ACTA1: variants seen among roughly 807,000 people sequenced by gnomAD.
ACTA1 encodes the protein actin alpha 1, skeletal muscle, also known as actin, alpha skeletal muscle.
ACTA1 carries 25 observed loss-of-function variants against 35.8 expected under a neutral mutation model. The observed-to-expected ratio is 0.70, with a 90% CI of 0.51 to 0.97. ACTA1 has a LOEUF of 0.97. Among genes scored for constraint, ACTA1 ranks in the 50% least tolerant of loss-of-function variants. ACTA1 has a pLI of 0.00. For missense variants in ACTA1, 174 were observed against 533.0 expected, an observed-to-expected ratio of 0.33 and a Z score of 6.63; for synonymous variants, 219 against 217.1, an observed-to-expected ratio of 1.01 and a Z score of -0.08.
In ACTA1 at chr1:229,431,679, T is replaced by C. The variant is rs1194090372; in HGVS notation, c.991-37A>G. 6.2e-7 allele frequency: 1 copy of C among 1,613,948 alleles called. No individual in the cohort carries two copies. The highest frequency in any genetic ancestry group is 1.1e-5 in the South Asian group (1 of 91,070). On this transcript the variant is annotated intron_variant, in intron 6 of 6. Coordinates refer to ENST00000366684, the MANE Select transcript of ACTA1 (RefSeq NM_001100.4). The surrounding 1 kb of genome is among the most constrained non-coding windows in gnomAD (Gnocchi z 7.1). ...CGCGTGAGGTGGGGAGACCTCACCC[T>C]GGAGCCCACCCCGCCGACAGCCCGC...
At position 229,432,996 on chromosome 1, in the gene ACTA1, G is replaced by A; in HGVS notation, c.120C>T (p.Pro40=). Residue 40 remains proline, a synonymous_variant, in exon 2 of 7, where the codon CCC becomes CCT. Transcript: ENST00000366684. ...GGAGGGGCAGCCTGACCTGGTGTCG[G>A]GGGCGGCCCACGATGGACGGGAACA... ...RAVFPSIVGR[P]RHQGVMVGMG... is the part of the protein sequence containing the mutation. 1 of 1,613,652 alleles carries A rather than the reference G, an allele frequency of 6.2e-7. No individual in the cohort carries two copies. The highest frequency in any genetic ancestry group is 8.5e-7 in the Non-Finnish European group (1 of 1,179,764).
At chr1:229,433,602 C>T (rs1660000535) in intron 1 of ACTA1, among the ~76,000 whole-genome samples, 1 of 152,326 alleles carries the variant, frequency 6.6e-6, no homozygotes, top group South Asian at 2.1e-4. Context: ...GAAGAGTGGC[C>T]TGTTAGGAAC....
intron 1 of ACTA1, 67 bp from the exon 2 acceptor site, chr1:229,433,194 G>A (rs1017972107): frequency 1.2e-6 from 2 of 1,607,182 alleles, no homozygotes; most frequent in South Asian, 1.1e-5. Flanking sequence ...GGCAGGGGGG[G>A]GTAAGCCTGG....
chr1:229,432,247 C>G (rs771519531), intron 4 of ACTA1, 23 bp downstream of exon 4: 2 of 1,613,078 alleles, frequency 1.2e-6, no homozygotes, highest in African/African-American at 2.7e-5. Flanking sequence ...CCCTCCCGCC[C>G]GGGGTGCAGG....
At position 229,431,915 on chromosome 1, in the gene ACTA1, G is replaced by GA. The variant is rs749384329; in HGVS notation, c.809-14_809-13insT. The GA allele has an allele frequency of 7.4e-6, 12 of 1,611,358 alleles. No individual in the cohort carries two copies. The highest frequency in any genetic ancestry group is 9.3e-6 in the Non-Finnish European group (11 of 1,178,902). On this transcript the variant is annotated splice_polypyrimidine_tract_variant and intron_variant, in intron 5 of 6. Transcript: ENST00000366684. The surrounding 1 kb of genome is among the most constrained non-coding windows in gnomAD (Gnocchi z 7.1). Reference sequence around the variant, plus strand: ...GCCGACTCCATACCTGGGGACCGCGGCGGGGAGCGTGAGCAGAAGCTCGGG... The same window carrying GA: ...GCCGACTCCATACCTGGGGACCGCGGACGGGGAGCGTGAGCAGAAGCTCGGG...
In ACTA1 at chr1:229,431,691, C is replaced by G; in HGVS notation, c.990+30G>C. 1 of 1,614,070 alleles carries G rather than the reference C, an allele frequency of 6.2e-7. No homozygotes were observed. On this transcript the variant is annotated intron_variant, in intron 6 of 6. Transcript: ENST00000366684. This position sits in a 1 kb window ranked among gnomAD's most constrained non-coding sequence, Gnocchi z 7.1. ...GGAGACCTCACCCTGGAGCCCACCC[C>G]GCCGACAGCCCGCGCAGGCCACCAC... is the stretch of plus-strand genomic sequence containing the variant.
rs1458028822 is a variant in ACTA1 at position 229,431,445 on chromosome 1, C to A, written c.*54G>T. On this transcript the variant is annotated 3_prime_UTR_variant, in exon 7 of 7. Transcript: ENST00000366684. This position sits in a 1 kb window ranked among gnomAD's most constrained non-coding sequence, Gnocchi z 7.1. ...GGGGTGGCTGGAGCTCAGCCGCCCCCCCATTGAGAAGATTCGTCGTCCTGA... is the reference window on the plus strand; with the variant it reads ...GGGGTGGCTGGAGCTCAGCCGCCCCACCATTGAGAAGATTCGTCGTCCTGA... 3 of 1,611,754 alleles carry A rather than the reference C, an allele frequency of 1.9e-6. No individual in the cohort carries two copies. The highest frequency in any genetic ancestry group is 1.7e-5 in the Admixed American group (1 of 60,014).
In ACTA1 at chr1:229,431,549, G is replaced by C. The variant is rs1659933817; in HGVS notation, c.1084C>G (p.Gln362Glu). 1 of 1,613,714 alleles carries C rather than the reference G, an allele frequency of 6.2e-7. No individual in the cohort carries two copies. Among genetic ancestry groups the C allele is most frequent in the Non-Finnish European group, 8.5e-7 (1 of 1,180,040 alleles). Residue 362 changes from glutamine (Q) to glutamate (E), a missense_variant, in exon 7 of 7, where the codon CAG (glutamine) becomes GAG (glutamate). Gln to Glu is a conservative substitution (Grantham distance 29). Transcript: ENST00000366684. This position sits in a 1 kb window ranked among gnomAD's most constrained non-coding sequence, Gnocchi z 7.1. ...GAAGGGCCGGCCTCGTCGTACTCCT[G>C]CTTGGTGATCCACATCTGCTGGAAG... ...STFQQMWITK[Q>E]EYDEAGPSIV...
At chr1:229,432,944 C>T (rs1457470144) in intron 2 of ACTA1, 43 bp downstream of exon 2, 1 of 1,613,704 alleles carries the variant, frequency 6.2e-7, no homozygotes. Flanking sequence ...CTGGCTTACG[C>T]GGGGACCCCG....
At position 229,432,823 on chromosome 1, in the gene ACTA1, T is replaced by C; in HGVS notation, c.187A>G (p.Lys63Glu). ...TACTTCAGGGTCAGGATACCTCTCT[T>C]GCTCTGAGCCTCGTCGCCCACGTAG... ...DSYVGDEAQS[K>E]RGILTLKYPI... Residue 63 changes from lysine to glutamate, a missense_variant, in exon 3 of 7, where the codon AAG (lysine) becomes GAG (glutamate). Lys to Glu is a moderately conservative substitution (Grantham distance 56). Coordinates refer to ENST00000366684, the MANE Select transcript of ACTA1 (RefSeq NM_001100.4). 1 of 1,614,174 alleles carries C rather than the reference T, an allele frequency of 6.2e-7. No individual in the cohort carries two copies. The highest frequency in any genetic ancestry group is 8.5e-7 in the Non-Finnish European group (1 of 1,180,020).
rs553019935 is a variant in ACTA1 at position 229,432,587 on chromosome 1, C to T, written c.423G>A (p.Val141=). 37 of 1,613,456 alleles carry T rather than the reference C, an allele frequency of 2.3e-5. No individual in the cohort carries two copies. Among genetic ancestry groups the T allele is most frequent in the Admixed American group, 3.3e-5 (2 of 60,014 alleles). The change falls in exon 3 of 7, where the codon GTG becomes GTA. Residue 141 remains valine (V), a synonymous_variant. Coordinates refer to ENST00000366684, the MANE Select transcript of ACTA1 (RefSeq NM_001100.4). ...VPAMYVAIQA[V]LSLYASGRTT... ...TCCTGCCGGAGGCGTAGAGGGACAG[C>T]ACGGCCTGGATGGCCACGTACATGG...
rs121909523 is a variant in ACTA1, at chr1:229,432,020, T to A, written c.782A>T (p.Glu261Val). 10 of 1,611,098 alleles carry A rather than the reference T, an allele frequency of 6.2e-6. No homozygotes were observed. Among genetic ancestry groups the A allele is most frequent in the African/African-American group, 1.3e-5 (1 of 74,794 alleles). ...TIGNERFRCP[E>V]TLFQPSFIGM... The stretch of plus-strand genomic sequence containing the variant: ...GATGAAGGAGGGCTGGAAGAGCGTC[T>A]CCGGGCAGCGGAAGCGCTCGTTGCC... The change falls in exon 5 of 7, where the codon GAG (glutamate) becomes GTG (valine). Residue 261 changes from glutamate to valine, a missense_variant. Coordinates refer to ENST00000366684, the MANE Select transcript of ACTA1 (RefSeq NM_001100.4).
rs531042647 is a variant in ACTA1 at position 229,431,413 on chromosome 1, T to C, written c.*86A>G. 1 of 1,574,730 alleles carries C rather than the reference T, an allele frequency of 6.4e-7. No homozygotes were observed. Among genetic ancestry groups the C allele is most frequent in the East Asian group, 2.2e-5 (1 of 44,692 alleles). On this transcript the variant is annotated 3_prime_UTR_variant, in exon 7 of 7. Transcript: ENST00000366684. This position sits in a 1 kb window ranked among gnomAD's most constrained non-coding sequence, Gnocchi z 7.1. ...GCAACGGAAGTTGTTACAAAGAAAGTGACTGCGGGGTGGCTGGAGCTCAGC... is the reference window on the plus strand; with the variant it reads ...GCAACGGAAGTTGTTACAAAGAAAGCGACTGCGGGGTGGCTGGAGCTCAGC...
intron 2 of ACTA1, 43 bp downstream of exon 2, chr1:229,432,944 C>G (rs1457470144): frequency 6.2e-7 from 1 of 1,613,822 alleles, no homozygotes; most frequent in Admixed American, 1.7e-5. Flanking sequence ...CTGGCTTACG[C>G]GGGGACCCCG....
At position 229,431,847 on chromosome 1, in the gene ACTA1, G is replaced by A; in HGVS notation, c.864C>T (p.Asp288=). 6.2e-7 allele frequency: 1 copy of A among 1,614,124 alleles called. No individual in the cohort carries two copies. ...CATACAGGTCCTTCCTGATGTCGAT[G>A]TCACACTTCATGATGCTGTTGTAGG... ...ETTYNSIMKC[D]IDIRKDLYAN... Residue 288 remains aspartate (D), a synonymous_variant, in exon 6 of 7, where the codon GAC becomes GAT. Coordinates refer to ENST00000366684, the MANE Select transcript of ACTA1 (RefSeq NM_001100.4). This position sits in a 1 kb window ranked among gnomAD's most constrained non-coding sequence, Gnocchi z 7.1.
At position 229,432,614 on chromosome 1, in the gene ACTA1, G is replaced by A. The variant is rs749499154; in HGVS notation, c.396C>T (p.Pro132=). 1.2e-6 allele frequency: 2 copies of A among 1,614,032 alleles called. No homozygotes were observed. Among genetic ancestry groups the A allele is most frequent in the Non-Finnish European group, 1.7e-6 (2 of 1,179,994 alleles). Residue 132 remains proline, a synonymous_variant, in exon 3 of 7, where the codon CCC becomes CCT. Coordinates refer to ENST00000366684, the MANE Select transcript of ACTA1 (RefSeq NM_001100.4). ...TQIMFETFNV[P]AMYVAIQAVL... The stretch of plus-strand genomic sequence containing the variant: ...CGGCCTGGATGGCCACGTACATGGC[G>A]GGCACGTTGAAGGTCTCAAACATGA...
Position 229,431,446 on chromosome 1 carries a change from C to A in ACTA1, c.*53G>T, listed in dbSNP as rs937227519. On this transcript the variant is annotated 3_prime_UTR_variant, in exon 7 of 7. Coordinates refer to ENST00000366684, the MANE Select transcript of ACTA1 (RefSeq NM_001100.4). The surrounding 1 kb of genome is among the most constrained non-coding windows in gnomAD (Gnocchi z 7.1). ...GGGTGGCTGGAGCTCAGCCGCCCCCCCATTGAGAAGATTCGTCGTCCTGAG... is the reference window on the plus strand; with the variant it reads ...GGGTGGCTGGAGCTCAGCCGCCCCCACATTGAGAAGATTCGTCGTCCTGAG... 6.8e-6 allele frequency: 11 copies of A among 1,611,772 alleles called. No individual in the cohort carries two copies. The highest frequency in any genetic ancestry group is 1.7e-5 in the Admixed American group (1 of 59,996).
Position 229,431,676 on chromosome 1 carries a change from C to A in ACTA1, c.991-34G>T, listed in dbSNP as rs781135829. On this transcript the variant is annotated intron_variant, in intron 6 of 6. Coordinates refer to ENST00000366684, the MANE Select transcript of ACTA1 (RefSeq NM_001100.4). This position sits in a 1 kb window ranked among gnomAD's most constrained non-coding sequence, Gnocchi z 7.1. ...CAGCGCGTGAGGTGGGGAGACCTCA[C>A]CCTGGAGCCCACCCCGCCGACAGCC... is the stretch of plus-strand genomic sequence containing the variant. 6.2e-7 allele frequency: 1 copy of A among 1,613,862 alleles called. No homozygotes were observed. Among genetic ancestry groups the A allele is most frequent in the Non-Finnish European group, 8.5e-7 (1 of 1,179,980 alleles).
Position 229,431,915 on chromosome 1 carries a change from G to GT in ACTA1, c.809-14_809-13insA, listed in dbSNP as rs749384329. The stretch of plus-strand genomic sequence containing the variant: ...GCCGACTCCATACCTGGGGACCGCG[G>GT]CGGGGAGCGTGAGCAGAAGCTCGGG... On this transcript the variant is annotated splice_polypyrimidine_tract_variant and intron_variant, in intron 5 of 6. Coordinates refer to ENST00000366684, the MANE Select transcript of ACTA1 (RefSeq NM_001100.4). The surrounding 1 kb of genome is among the most constrained non-coding windows in gnomAD (Gnocchi z 7.1). The GT allele has an allele frequency of 2.9e-5, 46 of 1,611,358 alleles. No homozygotes were observed. Among genetic ancestry groups the GT allele is most frequent in the Non-Finnish European group, 3.6e-5 (42 of 1,178,902 alleles).
Sources: gnomAD v4.1 joint callset for allele counts (sites outside exome capture counted in the v4.1 genomes callset) on GRCh38, gnomAD v4.1.1 for gene constraint, Gnocchi (gnomAD v3.1) non-coding constraint, MANE v1.5 for transcripts, NCBI Gene and HGNC (gene_info 2026-07-23, HGNC 2026-07-21) for gene names.